MME: variants seen among roughly 807,000 people sequenced by gnomAD.
The protein encoded by MME is membrane metalloendopeptidase, also known as neprilysin.
In MME, 98 loss-of-function variants were observed where a neutral mutation model predicts 113.2. That is an observed-to-expected ratio of 0.87 (90% CI 0.74 to 1.02). The LOEUF is 1.02. MME is among the 50% of genes least tolerant of loss of function. The pLI, the probability that MME is intolerant of heterozygous loss-of-function variation, is 0.00. For synonymous variants in MME, 292 were observed against 300.6 expected (o/e 0.97, Z 0.30); for missense variants, 836 against 896.0 (o/e 0.93, Z 0.86).
At chr3:155,031,982 C>T (rs1020196387) in intron 1 of MME, among the ~76,000 whole-genome samples, 18 of 152,162 alleles carry the variant, frequency 1.2e-4, no homozygotes, top group African/African-American at 4.3e-4. Context: ...TTTAATTAAA[C>T]ATGCAGATAA....
At chr3:155,146,308 T>C (rs565723499) in intron 14 of MME, among the ~76,000 whole-genome samples, 28 of 152,206 alleles carry the variant, frequency 1.8e-4, no homozygotes, top group Admixed American at 3.9e-4. Flanking sequence ...GGCAGATTGC[T>C]TGAGCCCAGG....
At chr3:155,160,529 C>A (rs1266156921) in intron 17 of MME, 81 bp downstream of exon 17, 6 of 920,732 alleles carry the variant, frequency 6.5e-6, no homozygotes, top group African/African-American at 6.5e-5. Flanking sequence ...AATTACAATA[C>A]CTCTAAACAA....
chr3:155,160,371 G>C lies in MME; in HGVS notation c.1602-19G>C. On this transcript the variant is annotated intron_variant, in intron 16 of 22. Coordinates refer to ENST00000360490, the MANE Select transcript of MME (RefSeq NM_007289.4). Reference sequence around the variant, plus strand: ...GATAATGCAGTATCATTTGTAAAGAGTTCTTATGTTTTCTACAGGTGGATA... The same window carrying C: ...GATAATGCAGTATCATTTGTAAAGACTTCTTATGTTTTCTACAGGTGGATA... The C allele has an allele frequency of 1.3e-6, 2 of 1,501,748 alleles. No homozygotes were observed. Among genetic ancestry groups the C allele is most frequent in the East Asian group, 4.6e-5 (2 of 43,840 alleles). The allele number at this position is 1,501,748 out of a possible 1,614,324, so 93.0% of individuals were successfully genotyped here.
intron 1 of MME, among the ~76,000 whole-genome samples, chr3:155,042,043 T>G (rs1341763882): frequency 6.6e-6 from 1 of 152,206 alleles, no homozygotes; most frequent in Non-Finnish European, 1.5e-5. Context: ...TAAAGATTAT[T>G]TTAACAAAAG....
chr3:155,117,057 T>G, intron 7 of MME, 71 bp downstream of exon 7: 1 of 895,872 alleles, frequency 1.1e-6, no homozygotes, highest in South Asian at 1.3e-5. Context: ...ATTGTTGTTA[T>G]TGATATTTAG....
intron 3 of MME, among the ~76,000 whole-genome samples, chr3:155,098,529 C>T (rs1716934342): frequency 6.6e-6 from 1 of 150,988 alleles, no homozygotes; most frequent in African/African-American, 2.4e-5. Context: ...GCACTCCGGC[C>T]TGGGCGGCAG....
intron 16 of MME, among the ~76,000 whole-genome samples, chr3:155,150,920 G>A (rs898832605): frequency 7.9e-5 from 12 of 151,998 alleles, no homozygotes; most frequent in African/African-American, 2.4e-4. Context: ...CAACATGATC[G>A]AAGCTCCTCT....
At chr3:155,101,237 C>T (rs1409908654) in intron 3 of MME, among the ~76,000 whole-genome samples, 1 of 152,208 alleles carries the variant, frequency 6.6e-6, no homozygotes, top group Non-Finnish European at 1.5e-5. Context: ...AATTAAACCT[C>T]TTTTCTTTAT....
intron 1 of MME, among the ~76,000 whole-genome samples, chr3:155,082,769 A>G (rs1715269889): frequency 6.6e-6 from 1 of 152,186 alleles, no homozygotes; most frequent in Non-Finnish European, 1.5e-5. Context: ...TCGCTTATTA[A>G]TAATTCACTG....
chr3:155,127,032 G>A (rs1719733717), intron 8 of MME, among the ~76,000 whole-genome samples: 1 of 151,616 alleles, frequency 6.6e-6, no homozygotes, highest in African/African-American at 2.4e-5. Context: ...AAAAGAAAGG[G>A]CATTTGTTCT....
At chr3:155,097,818 A>G (rs1006630849) in intron 3 of MME, among the ~76,000 whole-genome samples, 1 of 152,130 alleles carries the variant, frequency 6.6e-6, no homozygotes, top group Non-Finnish European at 1.5e-5. Flanking sequence ...GAGTATGAAG[A>G]CTGGAAAGTG....
At chr3:155,049,873 T>G (rs934041543) in intron 1 of MME, among the ~76,000 whole-genome samples, 1 of 152,114 alleles carries the variant, frequency 6.6e-6, no homozygotes, top group African/African-American at 2.4e-5. Context: ...ACTTGCAAGT[T>G]TGTTATATAC....
intron 16 of MME, chr3:155,159,042 TA>T (rs1038298530): frequency 1.3e-5 from 2 of 152,058 alleles, no homozygotes; most frequent in African/African-American, 2.4e-5. Flanking sequence ...ATCCTTTATA[TA>T]AAAAGTCTTG....
At chr3:155,091,255 A>G (rs1285263420) in intron 3 of MME, among the ~76,000 whole-genome samples, 1 of 152,204 alleles carries the variant, frequency 6.6e-6, no homozygotes, top group Non-Finnish European at 1.5e-5. Flanking sequence ...ACATTTATCC[A>G]GTCAAAATTA....
Position 155,183,701 on chromosome 3 carries a change from A to G in MME, c.*3242A>G, listed in dbSNP as rs1314588786. 1 of 152,220 alleles carries G rather than the reference A, an allele frequency of 6.6e-6. No homozygotes were observed. The highest frequency in any genetic ancestry group is 1.9e-4 in the East Asian group (1 of 5,198). The allele number at this position is 152,220 out of a possible 1,614,324, so 9.4% of individuals were successfully genotyped here. On this transcript the variant is annotated 3_prime_UTR_variant, in exon 23 of 23. Transcript: ENST00000360490. ...CAAAATAAAAACAAACGTTTTTAAT[A>G]CTATTGCTTTTATGCCTAGTCAACT... is the stretch of plus-strand genomic sequence containing the variant.
At chr3:155,114,212 C>T (rs138106087) in intron 3 of MME, among the ~76,000 whole-genome samples, 7 of 152,178 alleles carry the variant, frequency 4.6e-5, no homozygotes, top group South Asian at 2.1e-4. Context: ...TTCTCTGTTC[C>T]GGGTATAGAC....
chr3:155,151,954 C>T (rs1371645218), intron 16 of MME, among the ~76,000 whole-genome samples: 1 of 148,618 alleles, frequency 6.7e-6, no homozygotes, highest in Non-Finnish European at 1.5e-5. Flanking sequence ...GTTTATCCTC[C>T]ACACTACTAC....
chr3:155,116,740 A>G lies in MME; in HGVS notation c.516A>G (p.Glu172=). 1 of 1,613,632 alleles carries G rather than the reference A, an allele frequency of 6.2e-7. No homozygotes were observed. The highest frequency in any genetic ancestry group is 8.5e-7 in the Non-Finnish European group (1 of 1,179,764). Residue 172 remains glutamate, a synonymous_variant, in exon 6 of 23, where the codon GAA becomes GAG. Coordinates refer to ENST00000360490, the MANE Select transcript of MME (RefSeq NM_007289.4). ...TATATGGGTGGCCAGTAGCAACAGA[A>G]AACTGGGAGCAAAAATATGGTAAGG... ...PDIYGWPVAT[E]NWEQKYGASW...
intron 7 of MME, 115 bp downstream of exon 7, chr3:155,117,101 A>C: frequency 1.4e-6 from 1 of 731,162 alleles, no homozygotes; most frequent in Non-Finnish European, 2.5e-6. Context: ...TTGAATAAGC[A>C]AGGAGGTAGT....
Sources: allele counts gnomAD v4.1 joint callset (sites outside exome capture counted in the v4.1 genomes callset), GRCh38; gene constraint gnomAD v4.1.1; transcripts MANE v1.5; gene names NCBI Gene and HGNC (gene_info 2026-07-23, HGNC 2026-07-21).